Variants in TRIM44 observed in about 807,000 individuals in gnomAD.
TRIM44 encodes the protein tripartite motif-containing protein 44.
Under a neutral mutation model 37.4 loss-of-function variants are expected in TRIM44, and 13 were observed. That is an observed-to-expected ratio of 0.35 (90% CI 0.23 to 0.55). The LOEUF (loss-of-function observed/expected upper bound fraction) is 0.55, where lower values mean the gene tolerates loss of function less well. Among genes scored for constraint, TRIM44 ranks in the 20% least tolerant of loss-of-function variants. The pLI is 0.89. For missense variants in TRIM44, 426 were observed against 437.2 expected, an observed-to-expected ratio of 0.97 and a Z score of 0.23; for synonymous variants, 175 against 157.2, an observed-to-expected ratio of 1.11 and a Z score of -0.85.
chr11:35,762,428 C>T (rs1852742276), intron 4 of TRIM44, among the ~76,000 whole-genome samples: 1 of 152,100 alleles, frequency 6.6e-6, no homozygotes, highest in African/African-American at 2.4e-5. Context: ...ATGCTCACTC[C>T]AGAGTTCTGA....
chr11:35,741,864 T>C (rs1852401405), intron 4 of TRIM44, among the ~76,000 whole-genome samples: 1 of 152,220 alleles, frequency 6.6e-6, no homozygotes. Context: ...ACTTTGTTCC[T>C]GCATTTAAAG....
chr11:35,687,122 T>C (rs1316065282), intron 2 of TRIM44, among the ~76,000 whole-genome samples: 1 of 152,228 alleles, frequency 6.6e-6, no homozygotes, highest in Non-Finnish European at 1.5e-5. Context: ...CTATACTCTT[T>C]ATCTTATGTC....
chr11:35,685,429 G>C, intron 2 of TRIM44, 93 bp downstream of exon 2: 1 of 1,020,468 alleles, frequency 9.8e-7, no homozygotes, highest in Middle Eastern at 2.1e-4. Context: ...TCATCTCTCT[G>C]AATATTGCAT....
intron 4 of TRIM44, among the ~76,000 whole-genome samples, chr11:35,753,238 C>A (rs1477418759): frequency 6.6e-6 from 1 of 152,116 alleles, no homozygotes; most frequent in Non-Finnish European, 1.5e-5. Flanking sequence ...GTATATGAGT[C>A]TTTTGAAAAC....
At chr11:35,801,520 G>A (rs533996671) in intron 4 of TRIM44, among the ~76,000 whole-genome samples, 1 of 152,326 alleles carries the variant, frequency 6.6e-6, no homozygotes, top group South Asian at 2.1e-4. Flanking sequence ...TGCCCCTAAA[G>A]CTCTGGGGAC....
chr11:35,670,992 A>G (rs1268873652), intron 1 of TRIM44, among the ~76,000 whole-genome samples: 1 of 152,238 alleles, frequency 6.6e-6, no homozygotes, highest in Non-Finnish European at 1.5e-5. Context: ...ACTTATTGGC[A>G]AGAGAATATC....
intron 4 of TRIM44, among the ~76,000 whole-genome samples, chr11:35,797,412 C>T (rs1175423483): frequency 6.6e-6 from 1 of 152,190 alleles, no homozygotes. Flanking sequence ...CGTAACTCCT[C>T]ACTCTTTAAG....
At chr11:35,669,506 A>G (rs181021540) in intron 1 of TRIM44, among the ~76,000 whole-genome samples, 4 of 151,656 alleles carry the variant, frequency 2.6e-5, no homozygotes, top group African/African-American at 9.7e-5. Flanking sequence ...ACGAAGTTTC[A>G]CTCTTGTCAC....
intron 3 of TRIM44, among the ~76,000 whole-genome samples, chr11:35,731,235 T>C (rs1231718242): frequency 6.6e-6 from 1 of 152,198 alleles, no homozygotes; most frequent in Non-Finnish European, 1.5e-5. Context: ...AGATGCCTTT[T>C]ATCAGATTCA....
rs955636127 is a variant in TRIM44 at position 35,807,579 on chromosome 11, TA to T, written c.*1195del. The T allele has an allele frequency of 1.3e-5, 2 of 152,170 alleles. No homozygotes were observed. Among genetic ancestry groups the T allele is most frequent in the Admixed American group, 6.6e-5 (1 of 15,266 alleles). The allele number at this position is 152,170 out of a possible 1,614,324, so 9.4% of individuals were successfully genotyped here. ...TGCTCCCGAGTAAGCAGGGATGTAC[TA>T]GGGGAATGTAAAACTGCAAACTTAA... On this transcript the variant is annotated 3_prime_UTR_variant, in exon 5 of 5. Coordinates refer to ENST00000299413, the MANE Select transcript of TRIM44 (RefSeq NM_017583.6).
chr11:35,747,592 A>G (rs1335704287), intron 4 of TRIM44, among the ~76,000 whole-genome samples: 1 of 152,172 alleles, frequency 6.6e-6, no homozygotes, highest in South Asian at 2.1e-4. Context: ...TGGTACTTTT[A>G]TGAGAAAATT....
chr11:35,681,752 C>T lies in TRIM44; in HGVS notation c.670-3507C>T, dbSNP rs568395310. 5.9e-5 allele frequency among the ~76,000 whole-genome samples: 9 copies of T among 152,258 alleles called. No individual in the cohort carries two copies. In the East Asian group the frequency reaches 1.7e-3, roughly 29 times the overall value. On this transcript the variant is annotated intron_variant, in intron 1 of 4. Transcript: ENST00000299413. ...AGAGGCAGCTGTTCTGTTCCACTATCTTTTCTGTTCACTGGTTCCCTAACT... is the reference window on the plus strand; with the variant it reads ...AGAGGCAGCTGTTCTGTTCCACTATTTTTTCTGTTCACTGGTTCCCTAACT...
chr11:35,673,460 T>C (rs983104544), intron 1 of TRIM44, among the ~76,000 whole-genome samples: 11 of 152,214 alleles, frequency 7.2e-5, no homozygotes, highest in African/African-American at 2.7e-4. Context: ...AGCAATTGAA[T>C]GTGTTGTTAG....
chr11:35,799,248 A>G (rs1450367317), intron 4 of TRIM44, among the ~76,000 whole-genome samples: 2 of 152,234 alleles, frequency 1.3e-5, no homozygotes, highest in Non-Finnish European at 2.9e-5. Context: ...CAAGAAAGGT[A>G]GCTACCTATA....
At chr11:35,755,985 T>C (rs530674298) in intron 4 of TRIM44, among the ~76,000 whole-genome samples, 17,355 of 150,918 alleles carry the variant, frequency 0.11, 1,141 homozygotes, top group Non-Finnish European at 0.16. Context: ...CTTGGCAATG[T>C]GGGCTCTTTT....
chr11:35,738,367 G>A (rs1852352056), intron 4 of TRIM44, among the ~76,000 whole-genome samples: 1 of 147,406 alleles, frequency 6.8e-6, no homozygotes, highest in Non-Finnish European at 1.5e-5. Context: ...AGAGTTTCTT[G>A]TAACCAAGAT....
At chr11:35,711,521 T>G (rs958413798) in intron 2 of TRIM44, among the ~76,000 whole-genome samples, 7 of 151,372 alleles carry the variant, frequency 4.6e-5, no homozygotes, top group African/African-American at 1.7e-4. Flanking sequence ...ATTTCATAGG[T>G]TGTTGGGAAA....
chr11:35,762,844 A>G (rs1428210448), intron 4 of TRIM44, among the ~76,000 whole-genome samples: 2 of 152,136 alleles, frequency 1.3e-5, no homozygotes, highest in Non-Finnish European at 2.9e-5. Context: ...GAGTTTAACT[A>G]TTTAAACTCC....
chr11:35,793,635 TC>T lies in TRIM44; in HGVS notation c.1008-12722del, dbSNP rs532347785. Among the ~76,000 whole-genome samples the T allele has an allele frequency of 5.3e-5, 8 of 152,304 alleles. No individual in the cohort carries two copies. The South Asian group carries it at 1.7e-3, about 32-fold the overall frequency. On this transcript the variant is annotated intron_variant, in intron 4 of 4. Coordinates refer to ENST00000299413, the MANE Select transcript of TRIM44 (RefSeq NM_017583.6). The stretch of plus-strand genomic sequence containing the variant: ...TTGAGTCTGCCAAGGCCTTGGAACA[TC>T]TTTAGCAACAAGGTACCAGTTACCT...
Sources: allele counts gnomAD v4.1 joint callset (sites outside exome capture counted in the v4.1 genomes callset), GRCh38; gene constraint gnomAD v4.1.1; transcripts MANE v1.5; gene names NCBI Gene and HGNC (gene_info 2026-07-23, HGNC 2026-07-21).